The following PRKCH variants were observed in gnomAD, a reference collection of about 807,000 sequenced individuals.
The protein encoded by PRKCH is protein kinase C eta, also known as protein kinase C eta type.
A neutral mutation model predicts 82.5 loss-of-function variants in PRKCH; 28 were observed. The ratio of observed to expected loss-of-function variants is 0.34; its 90% CI spans 0.25 to 0.47. The LOEUF (loss-of-function observed/expected upper bound fraction) is 0.47, where lower values mean the gene tolerates loss of function less well. Among genes scored for constraint, PRKCH ranks in the 20% least tolerant of loss-of-function variants. The pLI is 1.00. For synonymous variants in PRKCH, 322 were observed against 327.4 expected, an observed-to-expected ratio of 0.98 and a Z score of 0.18; for missense variants, 705 against 881.8, an observed-to-expected ratio of 0.80 and a Z score of 2.54.
At chr14:61,221,415 T>C (rs2044655044) in intron 1 of PRKCH, among the ~76,000 whole-genome samples, 1 of 152,120 alleles carries the variant, frequency 6.6e-6, no homozygotes, top group Non-Finnish European at 1.5e-5. Flanking sequence ...TTCATCTCCC[T>C]TTTTCCTTCT....
chr14:61,506,343 C>G (rs769177764), intron 10 of PRKCH, among the ~76,000 whole-genome samples: 1 of 152,102 alleles, frequency 6.6e-6, no homozygotes, highest in East Asian at 1.9e-4. Context: ...GGAGGAACTT[C>G]GGTGCACCAA....
chr14:61,328,186 C>G (rs1006502724), intron 1 of PRKCH, among the ~76,000 whole-genome samples: 1 of 138,676 alleles, frequency 7.2e-6, no homozygotes. Flanking sequence ...GGAAGCGGAG[C>G]TTGCAGTGAG....
chr14:61,281,028 G>A (rs779939463), intron 1 of PRKCH: 5 of 1,532,772 alleles, frequency 3.3e-6, no homozygotes, highest in South Asian at 2.4e-5. Flanking sequence ...GGCCCGCGCA[G>A]AAGAAGAGCG....
chr14:61,227,536 G>A (rs1210936770), intron 1 of PRKCH, among the ~76,000 whole-genome samples: 1 of 152,234 alleles, frequency 6.6e-6, no homozygotes, highest in Non-Finnish European at 1.5e-5. Context: ...AGAGCTTGTA[G>A]TGAGCAGAGA....
intron 1 of PRKCH, among the ~76,000 whole-genome samples, chr14:61,213,435 C>T (rs1183026742): frequency 6.6e-6 from 1 of 152,190 alleles, no homozygotes; most frequent in Admixed American, 6.5e-5. Flanking sequence ...TCTCCCAATC[C>T]TTGCTGAGTC....
intron 1 of PRKCH, among the ~76,000 whole-genome samples, chr14:61,265,572 T>C (rs1219753787): frequency 6.6e-6 from 1 of 152,162 alleles, no homozygotes; most frequent in Non-Finnish European, 1.5e-5. Flanking sequence ...TGGCAGAAAA[T>C]GGACCATCAC....
chr14:61,524,598 G>A (rs1268179339), intron 10 of PRKCH, among the ~76,000 whole-genome samples: 1 of 152,102 alleles, frequency 6.6e-6, no homozygotes, highest in East Asian at 1.9e-4. Flanking sequence ...TCAAACTAAA[G>A]TCAGGAGGCT....
chr14:61,424,819 T>A (rs1330809300), intron 2 of PRKCH, among the ~76,000 whole-genome samples: 1 of 152,164 alleles, frequency 6.6e-6, no homozygotes, highest in African/African-American at 2.4e-5. Context: ...AAGGGAAAAG[T>A]GGTTTCATGG....
intron 9 of PRKCH, among the ~76,000 whole-genome samples, chr14:61,480,033 G>C (rs1048035060): frequency 9.9e-5 from 15 of 152,198 alleles, no homozygotes; most frequent in African/African-American, 3.6e-4. Flanking sequence ...TGTTAAACCG[G>C]TCTCCTGGCC....
intron 10 of PRKCH, among the ~76,000 whole-genome samples, chr14:61,504,410 G>GA (rs1267337616): frequency 6.6e-6 from 1 of 152,074 alleles, no homozygotes; most frequent in African/African-American, 2.4e-5. Context: ...GGCAGGTCTT[G>GA]AACTCCTGAA....
rs1407756847 is a variant in PRKCH, at chr14:61,228,322, G to A, written c.-19+40654G>A. ...AAAAGCAATTTTTAAAGTCTAGACAGCATATTAACAACAAGGGCTTAATGT... is the reference window on the plus strand; with the variant it reads ...AAAAGCAATTTTTAAAGTCTAGACAACATATTAACAACAAGGGCTTAATGT... On this transcript the variant is annotated intron_variant, in intron 1 of 3. Transcript: ENST00000555185. 2.6e-5 allele frequency among the ~76,000 whole-genome samples: 4 copies of A among 152,290 alleles called. No homozygotes were observed. In the East Asian group the frequency reaches 7.7e-4, roughly 29 times the overall value.
In PRKCH at chr14:61,212,779, T is replaced by G. The variant is rs111429800; in HGVS notation, c.-19+25111T>G. Among the ~76,000 whole-genome samples the G allele has an allele frequency of 2.5e-3, 375 of 152,320 alleles. 2 individuals carry two copies. The highest frequency in any genetic ancestry group is 8.6e-3 in the African/African-American group (358 of 41,574). The stretch of plus-strand genomic sequence containing the variant: ...CTGTCCTTGGATCTTACCAGTCTAT[T>G]GGTGGGAACAGGCTTTTAAACAGAT... On this transcript the variant is annotated intron_variant, in intron 1 of 3. Coordinates refer to the PRKCH transcript ENST00000555185.
At chr14:61,419,782 T>G (rs1882738060) in intron 2 of PRKCH, among the ~76,000 whole-genome samples, 1 of 152,208 alleles carries the variant, frequency 6.6e-6, no homozygotes, top group Admixed American at 6.5e-5. Context: ...AATCCACAAG[T>G]ACTTTGAACC....
intron 2 of PRKCH, among the ~76,000 whole-genome samples, chr14:61,406,958 G>A (rs1265618243): frequency 6.6e-6 from 1 of 151,830 alleles, no homozygotes; most frequent in South Asian, 2.1e-4. Context: ...TAGTGTATTA[G>A]TCAATTTCAT....
At chr14:61,249,899 G>A (rs992005977) in intron 1 of PRKCH, among the ~76,000 whole-genome samples, 4 of 151,374 alleles carry the variant, frequency 2.6e-5, no homozygotes, top group Admixed American at 6.6e-5. Flanking sequence ...GATTACAGGC[G>A]TGAGCCACCA....
chr14:61,234,631 ACT>A (rs2044772749), intron 1 of PRKCH, among the ~76,000 whole-genome samples: 1 of 152,202 alleles, frequency 6.6e-6, no homozygotes, highest in South Asian at 2.1e-4. Context: ...GAGAAGGATA[ACT>A]CTCTGCCCAT....
At chr14:61,313,363 A>G (rs1479740203) in intron 1 of PRKCH, among the ~76,000 whole-genome samples, 1 of 152,240 alleles carries the variant, frequency 6.6e-6, no homozygotes, top group East Asian at 1.9e-4. Flanking sequence ...TTTAGAGAAA[A>G]TGATTACTAT....
At position 61,371,497 on chromosome 14, in the gene PRKCH, G is replaced by A. The variant is rs541090816; in HGVS notation, c.364-19728G>A. On this transcript the variant is annotated intron_variant, in intron 1 of 13. Coordinates refer to ENST00000332981, the MANE Select transcript of PRKCH (RefSeq NM_006255.5). ...GAGCTTGACAGCTTGACAAGTCCTCGTCAGGTATTTTATAGAATGTCCTTC... is the reference window on the plus strand; with the variant it reads ...GAGCTTGACAGCTTGACAAGTCCTCATCAGGTATTTTATAGAATGTCCTTC... Among the ~76,000 whole-genome samples, 56 of 152,070 alleles carry A rather than the reference G, an allele frequency of 3.7e-4. 1 individual carries two copies. Among genetic ancestry groups the A allele is most frequent in the African/African-American group, 1.3e-3 (52 of 41,394 alleles).
intron 1 of PRKCH, among the ~76,000 whole-genome samples, chr14:61,284,654 CAT>C (rs2045299083): frequency 1.3e-5 from 2 of 152,142 alleles, no homozygotes; most frequent in African/African-American, 2.4e-5. Context: ...CATTTTATTA[CAT>C]ATGTTGTGAT....
Sources: allele counts gnomAD v4.1 joint callset (sites outside exome capture counted in the v4.1 genomes callset), GRCh38; gene constraint gnomAD v4.1.1; transcripts MANE v1.5; gene names NCBI Gene and HGNC (gene_info 2026-07-23, HGNC 2026-07-21).